Variants in FAM111B observed in about 807,000 individuals in gnomAD.
FAM111B encodes FAM111 trypsin like peptidase B, also known as serine protease FAM111B.
In FAM111B, 1 loss-of-function variant was observed where a neutral mutation model predicts 2.8. That is an observed-to-expected ratio of 0.36 (90% CI 0.13 to 1.70). FAM111B has a LOEUF of 1.70. FAM111B is among the 40% of genes most tolerant of loss of function. The probability of loss-of-function intolerance (pLI) is 0.35; values close to 1 mark genes in which losing one functional copy is unlikely to be tolerated. For synonymous variants in FAM111B, 297 were observed against 295.6 expected (o/e 1.00, Z -0.05); for missense variants, 882 against 878.9 (o/e 1.00, Z -0.04).
intron 3 of FAM111B, among the ~76,000 whole-genome samples, chr11:59,114,267 G>A (rs953937810): frequency 6.6e-6 from 1 of 152,170 alleles, no homozygotes; most frequent in Non-Finnish European, 1.5e-5. Context: ...GCAGAAGGTG[G>A]GGCAGAGGGA....
rs768256915 is a variant in FAM111B, at chr11:59,126,159, G to A, written c.2062G>A (p.Asp688Asn). The change falls in exon 4 of 4, where the codon GAT (aspartate) becomes AAT (asparagine). Residue 688 changes from aspartate (D) to asparagine (N), a missense_variant. Transcript: ENST00000343597. ...HALIEFGYSM[D>N]SILCDIKKTN... ...CCTTATTGAATTTGGTTATTCTATG[G>A]ATTCTATTCTTTGTGATATTAAAAA... 3.7e-6 allele frequency: 6 copies of A among 1,612,082 alleles called. No homozygotes were observed. The Admixed American group carries it at 5.0e-5, about 14-fold the overall frequency.
At chr11:59,109,806 G>A (rs1859730715) in intron 3 of FAM111B, 100 bp downstream of exon 3, 4 of 704,808 alleles carry the variant, frequency 5.7e-6, no homozygotes, top group African/African-American at 1.8e-5. Flanking sequence ...GTCGTTATAA[G>A]CCCTTCTCTT....
chr11:59,124,261 A>C lies in FAM111B; in HGVS notation c.164A>C (p.Lys55Thr), dbSNP rs144378733. ...SGIRKCSSTF[K>T]LKSEVNKHET... is the part of the protein sequence containing the mutation. ...ATAAGAAAGTGTAGCAGCACCTTTA[A>C]GCTTAAAAGTGAAGTCAACAAGCAT... The change falls in exon 4 of 4, where the codon AAG (lysine) becomes ACG (threonine). Residue 55 changes from lysine (K) to threonine (T), a missense_variant. Lys to Thr is a moderately conservative substitution (Grantham distance 78, BLOSUM62 -1). Coordinates refer to ENST00000343597, the MANE Select transcript of FAM111B (RefSeq NM_198947.4). 1 of 1,613,814 alleles carries C rather than the reference A, an allele frequency of 6.2e-7. No individual in the cohort carries two copies. Among genetic ancestry groups the C allele is most frequent in the African/African-American group, 1.3e-5 (1 of 74,938 alleles).
chr11:59,124,041 T>C (rs1859964627), intron 3 of FAM111B, 138 bp from the exon 4 acceptor site: 1 of 530,058 alleles, frequency 1.9e-6, no homozygotes, highest in Non-Finnish European at 3.1e-6. Context: ...AGAATAGTGA[T>C]TGATTTTTTC....
intron 3 of FAM111B, among the ~76,000 whole-genome samples, chr11:59,122,376 G>T (rs183771357): frequency 6.6e-5 from 10 of 152,272 alleles, no homozygotes; most frequent in Admixed American, 2.6e-4. Context: ...ATGAAGGAGG[G>T]ACACACTGTA....
intron 3 of FAM111B, among the ~76,000 whole-genome samples, chr11:59,123,920 C>T (rs932922219): frequency 6.6e-6 from 1 of 151,722 alleles, no homozygotes; most frequent in African/African-American, 2.4e-5. Flanking sequence ...GTCTTAAGAC[C>T]CTTGTTGAAA....
chr11:59,113,867 A>C (rs554358293), intron 3 of FAM111B, among the ~76,000 whole-genome samples: 1 of 152,212 alleles, frequency 6.6e-6, no homozygotes, highest in Non-Finnish European at 1.5e-5. Context: ...GAGGGGAGGC[A>C]TTTGTTCAGA....
intron 3 of FAM111B, among the ~76,000 whole-genome samples, chr11:59,114,105 G>C (rs1308699300): frequency 6.6e-6 from 1 of 152,246 alleles, no homozygotes; most frequent in African/African-American, 2.4e-5. Flanking sequence ...GCTCCGGCTA[G>C]GGAAGTCAAG....
chr11:59,121,070 A>G (rs1302827125), intron 3 of FAM111B, among the ~76,000 whole-genome samples: 1 of 114,944 alleles, frequency 8.7e-6, no homozygotes, highest in African/African-American at 4.7e-5. Context: ...CAATTTTTTG[A>G]AAAAAAAAAA....
Position 59,126,444 on chromosome 11 carries a change from C to A in FAM111B, c.*142C>A. On this transcript the variant is annotated 3_prime_UTR_variant, in exon 4 of 4. Coordinates refer to ENST00000343597, the MANE Select transcript of FAM111B (RefSeq NM_198947.4). Reference sequence around the variant, plus strand: ...TCTTCTGCACAGCAAAAGAAACTATCAACAGGGTAAACACACAACCTACGG... The same window carrying A: ...TCTTCTGCACAGCAAAAGAAACTATAAACAGGGTAAACACACAACCTACGG... 1 of 618,274 alleles carries A rather than the reference C, an allele frequency of 1.6e-6. No individual in the cohort carries two copies. Among genetic ancestry groups the A allele is most frequent in the South Asian group, 3.0e-5 (1 of 33,260 alleles). The allele number at this position is 618,274 out of a possible 1,614,324, so 38.3% of individuals were successfully genotyped here.
intron 3 of FAM111B, among the ~76,000 whole-genome samples, chr11:59,122,806 C>T (rs940540641): frequency 1.3e-5 from 2 of 151,982 alleles, no homozygotes; most frequent in African/African-American, 4.8e-5. Flanking sequence ...ATAGGAGAGC[C>T]CCAAGACGAA....
At chr11:59,115,093 A>AT (rs1215228421) in intron 3 of FAM111B, among the ~76,000 whole-genome samples, 1 of 152,188 alleles carries the variant, frequency 6.6e-6, no homozygotes, top group Non-Finnish European at 1.5e-5. Context: ...TGTCCCTTCC[A>AT]TTAGACTTGG....
At chr11:59,123,626 T>C (rs1211315950) in intron 3 of FAM111B, among the ~76,000 whole-genome samples, 2 of 152,230 alleles carry the variant, frequency 1.3e-5, no homozygotes, top group Non-Finnish European at 2.9e-5. Context: ...AAGGATGGAT[T>C]ACAAATTATT....
intron 3 of FAM111B, among the ~76,000 whole-genome samples, chr11:59,117,772 A>C (rs1321209538): frequency 6.6e-6 from 1 of 152,214 alleles, no homozygotes. Context: ...TGGGAGTGAG[A>C]GAGTGACTCC....
chr11:59,114,822 G>C (rs576148158), intron 3 of FAM111B, among the ~76,000 whole-genome samples: 2 of 152,128 alleles, frequency 1.3e-5, no homozygotes, highest in African/African-American at 4.8e-5. Flanking sequence ...GTGTGTGCAT[G>C]CACGTGTGTG....
At position 59,124,578 on chromosome 11, in the gene FAM111B, G is replaced by A. The variant is rs765221469; in HGVS notation, c.481G>A (p.Gly161Ser). Residue 161 changes from glycine (G) to serine (S), a missense_variant, in exon 4 of 4, where the codon GGT becomes AGT. By Grantham distance (56) the Gly-to-Ser change is moderately conservative. Coordinates refer to ENST00000343597, the MANE Select transcript of FAM111B (RefSeq NM_198947.4). Reference sequence around the variant, plus strand: ...TGATTCTCATTTTAAAATTACATTTGGTCAAAGAAAGAGTAGCAAAGAAGA... The same window carrying A: ...TGATTCTCATTTTAAAATTACATTTAGTCAAAGAAAGAGTAGCAAAGAAGA... The part of the protein sequence containing the change: ...PSDSHFKITF[G>S]QRKSSKEDGH... 6.2e-7 allele frequency: 1 copy of A among 1,613,556 alleles called. No homozygotes were observed. The highest frequency in any genetic ancestry group is 8.5e-7 in the Non-Finnish European group (1 of 1,179,720).
chr11:59,109,527 T>G lies in FAM111B; in HGVS notation c.-86-13T>G. ...TGGTTATTTCATAGATCTTGTTTTT[T>G]TGGTTTTTTTAGACATTTCAGGTGG... On this transcript the variant is annotated splice_polypyrimidine_tract_variant and intron_variant, in intron 2 of 3. Transcript: ENST00000343597. 1.3e-6 allele frequency: 1 copy of G among 744,476 alleles called. No individual in the cohort carries two copies. Among genetic ancestry groups the G allele is most frequent in the East Asian group, 2.8e-5 (1 of 35,806 alleles). 46.1% of individuals were successfully genotyped at this position (744,476 alleles called of 1,614,324 possible). A position where few individuals can be genotyped will look rare whatever the true frequency, so the allele number is the denominator to read the frequency against.
chr11:59,122,483 A>C (rs1859939116), intron 3 of FAM111B, among the ~76,000 whole-genome samples: 1 of 152,206 alleles, frequency 6.6e-6, no homozygotes. Context: ...ATGTTTTTGC[A>C]TGCATAATAT....
intron 3 of FAM111B, 112 bp downstream of exon 3, chr11:59,109,818 G>A: frequency 1.7e-6 from 1 of 598,810 alleles, no homozygotes; most frequent in Admixed American, 3.5e-5. Context: ...CCTTCTCTTA[G>A]GTAGTTTAAA....
Sources: gnomAD v4.1 joint callset for allele counts (sites outside exome capture counted in the v4.1 genomes callset) on GRCh38, gnomAD v4.1.1 for gene constraint, MANE v1.5 for transcripts, NCBI Gene and HGNC (gene_info 2026-07-23, HGNC 2026-07-21) for gene names.